The following COMMD7 variants were observed in gnomAD, a reference collection of about 807,000 sequenced individuals.
COMMD7 encodes the protein COMM domain containing 7.
Under a neutral mutation model 34.8 loss-of-function variants are expected in COMMD7, and 28 were observed. The ratio of observed to expected loss-of-function variants is 0.80; its 90% CI spans 0.60 to 1.10. The LOEUF (loss-of-function observed/expected upper bound fraction) is 1.10. Among genes scored for constraint, COMMD7 ranks in the 50% least tolerant of loss-of-function variants. The pLI, the probability that COMMD7 is intolerant of heterozygous loss-of-function variation, is 0.00. For missense variants in COMMD7, 211 were observed against 241.6 expected (o/e 0.87, Z 0.84); for synonymous variants, 80 against 86.4 (o/e 0.93, Z 0.41).
intron 1 of COMMD7, among the ~76,000 whole-genome samples, chr20:32,729,874 G>A (rs528720100): frequency 6.6e-5 from 10 of 152,028 alleles, no homozygotes; most frequent in Middle Eastern, 3.4e-3. Context: ...TTAGCCAGGC[G>A]TGGTGGCGTG....
chr20:32,738,444 G>A (rs140837858), intron 1 of COMMD7, among the ~76,000 whole-genome samples: 6 of 152,130 alleles, frequency 3.9e-5, no homozygotes, highest in African/African-American at 7.2e-5. Context: ...AACATGAGCC[G>A]GGCATGGTGG....
intron 1 of COMMD7, among the ~76,000 whole-genome samples, chr20:32,729,846 A>C (rs1985734650): frequency 7.9e-6 from 1 of 126,738 alleles, no homozygotes; most frequent in South Asian, 3.0e-4. Context: ...CTCTACTAAA[A>C]CAAAAAACAA....
chr20:32,741,940 C>T (rs1327761567), intron 1 of COMMD7, among the ~76,000 whole-genome samples: 1 of 152,166 alleles, frequency 6.6e-6, no homozygotes, highest in African/African-American at 2.4e-5. Context: ...GTAATCCCAA[C>T]ACTCTGGGAG....
Position 32,717,013 on chromosome 20 carries a change from A to G in COMMD7, c.242-10253T>C, listed in dbSNP as rs545419880. On this transcript the variant is annotated intron_variant, in intron 3 of 8. Transcript: ENST00000278980. ...TGCTCGACTAATTTTTTGTATTTGT[A>G]GTAGAGATGTGGTTTCACCGTATCA... Among the ~76,000 whole-genome samples, 70 of 152,236 alleles carry G rather than the reference A, an allele frequency of 4.6e-4. No homozygotes were observed. The South Asian group carries it at 0.014, about 31-fold the overall frequency.
At chr20:32,716,078 A>G (rs970132695) in intron 3 of COMMD7, among the ~76,000 whole-genome samples, 1 of 152,154 alleles carries the variant, frequency 6.6e-6, no homozygotes, top group Admixed American at 6.6e-5. Context: ...CTGGTGAGTA[A>G]GCAAGCACAG....
In COMMD7 at chr20:32,704,858, G is replaced by C. The variant is rs1344429675; in HGVS notation, c.383C>G (p.Thr128Ser). The change falls in exon 6 of 9, where the codon ACT becomes AGT. Residue 128 changes from threonine (T) to serine (S), a missense_variant. Physicochemically the swap from Thr to Ser is moderately conservative, Grantham distance 58 (BLOSUM62 1). Coordinates refer to ENST00000278980, the MANE Select transcript of COMMD7 (RefSeq NM_053041.3). Reference protein sequence around the residue: ...PTLARWAIGQTLMINQLIDME... With the variant: ...PTLARWAIGQSLMINQLIDME... ...ATCTATGAGCTGGTTAATCATCAGA[G>C]TCTGACCTATGGCCCATCGAGCAAG... is the stretch of plus-strand genomic sequence containing the variant. 1 of 1,614,056 alleles carries C rather than the reference G, an allele frequency of 6.2e-7. No homozygotes were observed. The highest frequency in any genetic ancestry group is 8.5e-7 in the Non-Finnish European group (1 of 1,179,980).
At chr20:32,712,954 G>A (rs1600973717) in intron 3 of COMMD7, among the ~76,000 whole-genome samples, 2 of 151,362 alleles carry the variant, frequency 1.3e-5, no homozygotes. Context: ...GGATGGTCTC[G>A]ATCTCCTGAC....
At chr20:32,721,134 A>C (rs1444980110) in intron 3 of COMMD7, among the ~76,000 whole-genome samples, 1 of 152,174 alleles carries the variant, frequency 6.6e-6, no homozygotes, top group Non-Finnish European at 1.5e-5. Flanking sequence ...AGGCTTTCTG[A>C]GGCAGCACAG....
chr20:32,713,406 A>T (rs1344198195), intron 3 of COMMD7, among the ~76,000 whole-genome samples: 1 of 152,250 alleles, frequency 6.6e-6, no homozygotes, highest in East Asian at 1.9e-4. Flanking sequence ...AAGCTGTCAA[A>T]CAATATGAAG....
chr20:32,732,492 C>G (rs1272399515), intron 1 of COMMD7, among the ~76,000 whole-genome samples: 9 of 152,142 alleles, frequency 5.9e-5, no homozygotes, highest in Non-Finnish European at 2.9e-5. Context: ...TTTGGCAAGT[C>G]ACAGTGGCTC....
chr20:32,706,909 A>G, intron 3 of COMMD7, 149 bp from the exon 4 acceptor site: 1 of 622,546 alleles, frequency 1.6e-6, no homozygotes. Flanking sequence ...GCCATGGGGA[A>G]ATAGCATCCG....
chr20:32,740,364 G>A (rs6119944), intron 1 of COMMD7, among the ~76,000 whole-genome samples: 103,624 of 151,688 alleles, frequency 0.68, 36,114 homozygotes, highest in Middle Eastern at 0.82. Flanking sequence ...TGCCGTAAGT[G>A]TAAAACACCA....
At chr20:32,734,626 T>A (rs1017859303) in intron 1 of COMMD7, among the ~76,000 whole-genome samples, 6 of 151,288 alleles carry the variant, frequency 4.0e-5, no homozygotes, top group Admixed American at 2.0e-4. Context: ...TAAGACCTCA[T>A]CTCTAAAAAA....
chr20:32,737,368 T>A (rs1195504904), intron 1 of COMMD7, among the ~76,000 whole-genome samples: 466 of 19,146 alleles, frequency 0.024, 12 homozygotes, highest in African/African-American at 0.063. Flanking sequence ...AGACTCCGTC[T>A]CAAAAAAAAA....
intron 1 of COMMD7, among the ~76,000 whole-genome samples, chr20:32,735,584 T>C (rs1227544564): frequency 2.0e-5 from 3 of 152,190 alleles, no homozygotes; most frequent in African/African-American, 4.8e-5. Flanking sequence ...CCCAAAGTGG[T>C]TGGATTACAG....
In COMMD7 at chr20:32,704,496, CAAAAA is replaced by C. The variant is rs59379723; in HGVS notation, c.428-12_428-8del. 7.9e-5 allele frequency: 111 copies of C among 1,403,560 alleles called. No homozygotes were observed. The highest frequency in any genetic ancestry group is 3.5e-4 in the Admixed American group (14 of 39,466). The allele number at this position is 1,403,560 out of a possible 1,614,324, so 86.9% of individuals were successfully genotyped here. ...TCGCTGCTCCCAGATGTCACTGTGA[CAAAAA>C]AAAAAAAAAAGAGAGAGAGAGAGAG... On this transcript the variant is annotated splice_polypyrimidine_tract_variant and splice_region_variant and intron_variant, in intron 6 of 8. Transcript: ENST00000278980.
chr20:32,719,101 G>A (rs1471251424), intron 3 of COMMD7, among the ~76,000 whole-genome samples: 2 of 152,210 alleles, frequency 1.3e-5, no homozygotes, highest in African/African-American at 4.8e-5. Context: ...TTACGTTGCA[G>A]ATTAGATTAG....
At chr20:32,730,274 G>A (rs1985762869) in intron 1 of COMMD7, among the ~76,000 whole-genome samples, 1 of 152,110 alleles carries the variant, frequency 6.6e-6, no homozygotes, top group South Asian at 2.1e-4. Context: ...GTGTGTATGG[G>A]CTGGACGCGG....
intron 1 of COMMD7, among the ~76,000 whole-genome samples, chr20:32,732,447 G>A (rs1238462715): frequency 6.6e-6 from 1 of 152,092 alleles, no homozygotes; most frequent in Non-Finnish European, 1.5e-5. Context: ...ATTCCATGAA[G>A]TATATCCTTT....
Sources: gnomAD v4.1 joint callset for allele counts (sites outside exome capture counted in the v4.1 genomes callset) on GRCh38, gnomAD v4.1.1 for gene constraint, MANE v1.5 for transcripts, NCBI Gene and HGNC (gene_info 2026-07-23, HGNC 2026-07-21) for gene names.